The following GRM4 variants were observed in gnomAD, a reference collection of about 807,000 sequenced individuals.
GRM4 encodes the protein glutamate metabotropic receptor 4, also known as metabotropic glutamate receptor 4.
Under a neutral mutation model 81.7 loss-of-function variants are expected in GRM4, and 28 were observed. That is an observed-to-expected ratio of 0.34 (90% CI 0.25 to 0.47). The LOEUF is 0.47. Among genes scored for constraint, GRM4 ranks in the 20% least tolerant of loss-of-function variants. The probability of loss-of-function intolerance (pLI) is 1.00; values close to 1 mark genes in which losing one functional copy is unlikely to be tolerated. For missense variants in GRM4, 948 were observed against 1,290.0 expected, an observed-to-expected ratio of 0.73 and a Z score of 4.06; for synonymous variants, 488 against 528.8, an observed-to-expected ratio of 0.92 and a Z score of 1.06.
At chr6:34,043,129 T>C (rs1346323573) in intron 6 of GRM4, among the ~76,000 whole-genome samples, 2 of 152,294 alleles carry the variant, frequency 1.3e-5, no homozygotes, top group South Asian at 4.1e-4. Flanking sequence ...GGCGACAGGA[T>C]GGGCACTTCC....
chr6:34,040,675 G>A lies in GRM4; in HGVS notation c.1242C>T (p.Tyr414=), dbSNP rs758141092. ...GKVQFVIDAV[Y]AMGHALHAMH... Reference sequence around the variant, plus strand: ...TGGCGTGCAGCGCGTGGCCCATGGCGTACACGGCATCGATCACAAACTGCA... The same window carrying A: ...TGGCGTGCAGCGCGTGGCCCATGGCATACACGGCATCGATCACAAACTGCA... Residue 414 remains tyrosine (Y), a synonymous_variant, in exon 7 of 11, where the codon TAC becomes TAT. Coordinates refer to ENST00000538487, the MANE Select transcript of GRM4 (RefSeq NM_000841.4). 45 of 1,613,892 alleles carry A rather than the reference G, an allele frequency of 2.8e-5. No homozygotes were observed. In the Admixed American group the frequency reaches 4.5e-4, roughly 16 times the overall value.
At chr6:34,129,678 G>A (rs1770160000) in intron 2 of GRM4, among the ~76,000 whole-genome samples, 1 of 152,214 alleles carries the variant, frequency 6.6e-6, no homozygotes, top group Non-Finnish European at 1.5e-5. Flanking sequence ...TGTCTCTTGA[G>A]CAGGCAGTCT....
intron 2 of GRM4, among the ~76,000 whole-genome samples, chr6:34,109,222 C>G (rs1287493430): frequency 2.0e-5 from 3 of 152,214 alleles, no homozygotes; most frequent in East Asian, 3.9e-4. Context: ...AGGAGATGCC[C>G]GCTGGCTCCC....
At chr6:34,099,028 T>C (rs1768691877) in intron 2 of GRM4, among the ~76,000 whole-genome samples, 1 of 152,040 alleles carries the variant, frequency 6.6e-6, no homozygotes, top group South Asian at 2.1e-4. Flanking sequence ...GGCCAGGTGC[T>C]GAGGACACAG....
In GRM4 at chr6:34,035,674, G is replaced by C; in HGVS notation, c.2436C>G (p.Ala812=). The C allele has an allele frequency of 6.4e-7, 1 of 1,560,874 alleles. No individual in the cohort carries two copies. Among genetic ancestry groups the C allele is most frequent in the Non-Finnish European group, 8.8e-7 (1 of 1,142,400 alleles). Residue 812 remains alanine (A), a synonymous_variant, in exon 9 of 11, where the codon GCC becomes GCG. Transcript: ENST00000538487. This position sits in a 1 kb window ranked among gnomAD's most constrained non-coding sequence, Gnocchi z 6.6. The part of the protein sequence containing the change: ...IPIFFGTSQS[A]DKLYIQTTTL... ...CCCGGCCCCCACCACTCACCTTGTC[G>C]GCCGACTGCGAGGTGCCAAAGAAGA... is the stretch of plus-strand genomic sequence containing the variant.
intron 6 of GRM4, among the ~76,000 whole-genome samples, chr6:34,046,420 C>A (rs149357523): frequency 6.6e-6 from 1 of 152,168 alleles, no homozygotes; most frequent in Non-Finnish European, 1.5e-5. Context: ...CAAGCAGATG[C>A]TGAGGAGGAG....
intron 9 of GRM4, among the ~76,000 whole-genome samples, chr6:34,028,903 C>T (rs1764272692): frequency 6.6e-6 from 1 of 152,172 alleles, no homozygotes; most frequent in Non-Finnish European, 1.5e-5. Context: ...CAACGGTCCC[C>T]CAGTGCAGAG....
intron 5 of GRM4, among the ~76,000 whole-genome samples, chr6:34,057,882 G>A (rs1436102823): frequency 6.6e-6 from 1 of 152,198 alleles, no homozygotes; most frequent in Non-Finnish European, 1.5e-5. Flanking sequence ...CCTGGCACTG[G>A]TAAGCACCAT....
Position 34,046,755 on chromosome 6 carries a change from G to A in GRM4, c.1169-6007C>T, listed in dbSNP as rs147286506. ...TCATTCACATGTGCAGTCAAGCATC[G>A]ATCCATGTCTACACCACACACCTAC... On this transcript the variant is annotated intron_variant, in intron 6 of 10. Coordinates refer to ENST00000538487, the MANE Select transcript of GRM4 (RefSeq NM_000841.4). Among the ~76,000 whole-genome samples, 66 of 152,182 alleles carry A rather than the reference G, an allele frequency of 4.3e-4. 2 individuals are homozygous for A. The highest frequency in any genetic ancestry group is 1.6e-3 in the African/African-American group (66 of 41,506).
At chr6:34,099,982 C>A in intron 2 of GRM4, 1 of 874,562 alleles carries the variant, frequency 1.1e-6, no homozygotes, top group Non-Finnish European at 1.4e-6. Context: ...ATCAGCCCTG[C>A]CTAGGCACTC....
intron 6 of GRM4, among the ~76,000 whole-genome samples, chr6:34,049,750 A>G (rs531825236): frequency 1.3e-5 from 2 of 152,022 alleles, no homozygotes; most frequent in African/African-American, 4.8e-5. Context: ...TCTCTCTCTC[A>G]CCTTCAATCC....
In GRM4 at chr6:34,114,174, G is replaced by A. The variant is rs1769493547; in HGVS notation, c.519+18804C>T. Among the ~76,000 whole-genome samples the A allele has an allele frequency of 6.6e-6, 1 of 152,108 alleles. No individual in the cohort carries two copies. Among genetic ancestry groups the A allele is most frequent in the Non-Finnish European group, 1.5e-5 (1 of 68,018 alleles). The stretch of plus-strand genomic sequence containing the variant: ...TGGGCAGGTCCCCTCCACAGCACCT[G>A]TCCCCACTCATGTAAGTGATTACAT... On this transcript the variant is annotated intron_variant, in intron 2 of 10. Coordinates refer to ENST00000538487, the MANE Select transcript of GRM4 (RefSeq NM_000841.4). This position sits in a 1 kb window ranked among gnomAD's most constrained non-coding sequence, Gnocchi z 4.3.
Position 34,084,691 on chromosome 6 carries a change from A to G in GRM4, c.736+7192T>C, listed in dbSNP as rs554020460. ...GAAACTCTCCTCAGCCCCACCTCACATGGCTCCCCACCCCACGGCCACAGG... is the reference window on the plus strand; with the variant it reads ...GAAACTCTCCTCAGCCCCACCTCACGTGGCTCCCCACCCCACGGCCACAGG... On this transcript the variant is annotated intron_variant, in intron 3 of 10. Coordinates refer to ENST00000538487, the MANE Select transcript of GRM4 (RefSeq NM_000841.4). Among the ~76,000 whole-genome samples the G allele has an allele frequency of 3.4e-4, 52 of 152,286 alleles. 1 individual carries two copies. Among genetic ancestry groups the G allele is most frequent in the African/African-American group, 1.2e-3 (50 of 41,554 alleles).
Position 34,058,954 on chromosome 6 carries a change from C to T in GRM4, c.1027+20G>A. 1 of 1,606,118 alleles carries T rather than the reference C, an allele frequency of 6.2e-7. No homozygotes were observed. The highest frequency in any genetic ancestry group is 8.5e-7 in the Non-Finnish European group (1 of 1,177,612). ...AGCAGTCCAGGATGGTGCCGACCAC[C>T]TGCACCCGCCCAGCCTTACCTCGTA... is the stretch of plus-strand genomic sequence containing the variant. On this transcript the variant is annotated intron_variant, in intron 5 of 10. Transcript: ENST00000538487.
At chr6:34,099,025 T>C (rs1220671634) in intron 2 of GRM4, among the ~76,000 whole-genome samples, 3 of 151,182 alleles carry the variant, frequency 2.0e-5, no homozygotes, top group Non-Finnish European at 4.4e-5. Context: ...TCTGGCCAGG[T>C]GCTGAGGACA....
chr6:34,035,091 GGT>G lies in GRM4; in HGVS notation c.2442+575_2442+576del. On this transcript the variant is annotated intron_variant, in intron 9 of 10. Coordinates refer to ENST00000538487, the MANE Select transcript of GRM4 (RefSeq NM_000841.4). The surrounding 1 kb of genome is among the most constrained non-coding windows in gnomAD (Gnocchi z 6.6). ...GGGGTCCCATGGGGATCTTGTGAGG[GGT>G]AGATGGAGGAGGGAGAAGAGAGGAG... Among the ~76,000 whole-genome samples, 1 of 152,234 alleles carries G rather than the reference GGT, an allele frequency of 6.6e-6. No homozygotes were observed. Among genetic ancestry groups the G allele is most frequent in the South Asian group, 2.1e-4 (1 of 4,818 alleles).
intron 6 of GRM4, chr6:34,054,446 G>C (rs1325817676): frequency 6.6e-6 from 1 of 152,222 alleles, no homozygotes; most frequent in Admixed American, 6.5e-5. Context: ...TTACAGGCAT[G>C]TGCCACCACG....
rs77759907 is a variant in GRM4, at chr6:34,111,977, G to A, written c.520-19878C>T. On this transcript the variant is annotated intron_variant, in intron 2 of 10. Coordinates refer to ENST00000538487, the MANE Select transcript of GRM4 (RefSeq NM_000841.4). The surrounding 1 kb of genome is among the most constrained non-coding windows in gnomAD (Gnocchi z 5.1). ...AGACTTGCCTGGAGATTCTGAAATGGGGAGGTCTCCTCACTCACCCCAAGT... is the reference window on the plus strand; with the variant it reads ...AGACTTGCCTGGAGATTCTGAAATGAGGAGGTCTCCTCACTCACCCCAAGT... Among the ~76,000 whole-genome samples the A allele has an allele frequency of 6.6e-6, 1 of 152,138 alleles. No homozygotes were observed. The highest frequency in any genetic ancestry group is 6.5e-5 in the Admixed American group (1 of 15,286).
At chr6:34,113,949 G>C (rs565076385) in intron 2 of GRM4, among the ~76,000 whole-genome samples, 1 of 152,152 alleles carries the variant, frequency 6.6e-6, no homozygotes, top group Non-Finnish European at 1.5e-5. Context: ...CAACCCCCTT[G>C]CTCCTCAGAT....
Sources: allele counts gnomAD v4.1 joint callset (sites outside exome capture counted in the v4.1 genomes callset), GRCh38; gene constraint gnomAD v4.1.1; non-coding constraint Gnocchi (gnomAD v3.1); transcripts MANE v1.5; gene names NCBI Gene and HGNC (gene_info 2026-07-23, HGNC 2026-07-21).